The following CLVS1 variants were observed in gnomAD, a reference collection of about 807,000 sequenced individuals.
CLVS1 encodes the protein clavesin-1.
Under a neutral mutation model 33.1 loss-of-function variants are expected in CLVS1, and 10 were observed. The observed-to-expected ratio is 0.30, with a 90% confidence interval of 0.19 to 0.51. The LOEUF is 0.51. Among genes scored for constraint, CLVS1 ranks in the 20% least tolerant of loss-of-function variants. CLVS1 has a pLI of 0.97. For synonymous variants in CLVS1, 163 were observed against 166.1 expected (o/e 0.98, Z 0.14); for missense variants, 343 against 433.4 (o/e 0.79, Z 1.85).
Position 61,458,343 on chromosome 8 carries a change from C to G in CLVS1, c.778C>G (p.Gln260Glu), listed in dbSNP as rs977574348. 7 of 1,613,890 alleles carry G rather than the reference C, an allele frequency of 4.3e-6. No homozygotes were observed. The highest frequency in any genetic ancestry group is 5.1e-6 in the Non-Finnish European group (6 of 1,179,924). Residue 260 changes from glutamine to glutamate, a missense_variant, in exon 5 of 6, where the codon CAG becomes GAG. By Grantham distance (29) the Gln-to-Glu change is conservative. Transcript: ENST00000325897. ...LHGNNLNSLH[Q>E]LIHPEFLPSE... ...TGGAAACAATTTAAACAGCCTTCAC[C>G]AGCTAATACACCCTGAATTTTTGCC...
the CLVS1 span, among the ~76,000 whole-genome samples, chr8:60,984,435 C>T: frequency 6.6e-6 from 1 of 151,870 alleles, no homozygotes; most frequent in African/African-American, 2.4e-5. Context: ...ATTCTCCAGC[C>T]TCAGCCTCCT....
intron 2 of CLVS1, among the ~76,000 whole-genome samples, chr8:61,146,382 T>C (rs1806418267): frequency 6.6e-6 from 1 of 152,268 alleles, no homozygotes; most frequent in East Asian, 1.9e-4. Flanking sequence ...GGGGTTCCAA[T>C]TGATACTGGA....
intron 2 of CLVS1, among the ~76,000 whole-genome samples, chr8:61,361,882 G>A (rs779315719): frequency 1.3e-5 from 2 of 152,188 alleles, no homozygotes; most frequent in African/African-American, 2.4e-5. Flanking sequence ...AAAGGCTACT[G>A]TAATAGGGTA....
chr8:61,276,155 A>C (rs1306361178), intron 2 of CLVS1, among the ~76,000 whole-genome samples: 7 of 152,224 alleles, frequency 4.6e-5, no homozygotes, highest in African/African-American at 9.6e-5. Flanking sequence ...ATCAGCAGGG[A>C]AGGTGCCCAC....
intron 2 of CLVS1, chr8:61,202,390 C>T: frequency 1.3e-6 from 1 of 758,256 alleles, no homozygotes; most frequent in Non-Finnish European, 2.4e-6. Flanking sequence ...CTCCCTGAGG[C>T]CCCAGAACTA....
intron 2 of CLVS1, among the ~76,000 whole-genome samples, chr8:61,213,992 G>A (rs956485589): frequency 6.6e-5 from 10 of 152,122 alleles, no homozygotes; most frequent in Non-Finnish European, 1.2e-4. Context: ...CACTCAAGGT[G>A]TGCCCGTCTC....
At chr8:61,276,598 T>C (rs1809565681) in intron 2 of CLVS1, among the ~76,000 whole-genome samples, 1 of 152,242 alleles carries the variant, frequency 6.6e-6, no homozygotes, top group African/African-American at 2.4e-5. Flanking sequence ...TTTGCTCACA[T>C]ATTCAGCTCC....
At chr8:61,108,502 C>A (rs1805576758) in intron 1 of CLVS1, among the ~76,000 whole-genome samples, 1 of 152,004 alleles carries the variant, frequency 6.6e-6, no homozygotes, top group African/African-American at 2.4e-5. Context: ...TGTATATACA[C>A]CCTGAGATAA....
chr8:60,979,835 G>A, the CLVS1 span, among the ~76,000 whole-genome samples: 33 of 152,172 alleles, frequency 2.2e-4, no homozygotes, highest in Non-Finnish European at 2.4e-4. Context: ...CTTTTCATGA[G>A]GTCCAGAAGA....
At chr8:61,248,062 TTTTGTCAGC>T (rs1585720124) in intron 2 of CLVS1, among the ~76,000 whole-genome samples, 1 of 152,216 alleles carries the variant, frequency 6.6e-6, no homozygotes, top group East Asian at 1.9e-4. Flanking sequence ...CATTGCTTGT[TTTTGTCAGC>T]TTTGTCAAAG....
chr8:61,201,657 T>A (rs559009090), intron 2 of CLVS1, among the ~76,000 whole-genome samples: 4 of 152,278 alleles, frequency 2.6e-5, no homozygotes, highest in African/African-American at 9.6e-5. Context: ...TTTTAAAAGT[T>A]CTGTGTTTTA....
intron 3 of CLVS1, among the ~76,000 whole-genome samples, chr8:61,436,993 G>A (rs1816353564): frequency 6.6e-6 from 1 of 152,138 alleles, no homozygotes; most frequent in East Asian, 1.9e-4. Flanking sequence ...AAATTGTAGG[G>A]GTAGTAAATG....
At chr8:61,483,393 A>G (rs548817109) in intron 5 of CLVS1, among the ~76,000 whole-genome samples, 2 of 152,368 alleles carry the variant, frequency 1.3e-5, no homozygotes, top group Admixed American at 6.5e-5. Context: ...CTAAACCAGG[A>G]AGAAGTTGAA....
chr8:61,056,155 G>A (rs1451686953), upstream of CLVS1, among the ~76,000 whole-genome samples: 1 of 152,222 alleles, frequency 6.6e-6, no homozygotes, highest in Non-Finnish European at 1.5e-5. Flanking sequence ...TGTGCCCAGG[G>A]TCTGGGTAAA....
chr8:61,245,677 G>A (rs1357904728), intron 2 of CLVS1, among the ~76,000 whole-genome samples: 1 of 150,692 alleles, frequency 6.6e-6, no homozygotes, highest in Admixed American at 6.6e-5. Context: ...ATATATGAAT[G>A]GATATATATA....
rs377390894 is a variant in CLVS1, at chr8:61,075,002, G to T, written c.-243+17772G>T. 7.2e-5 allele frequency among the ~76,000 whole-genome samples: 11 copies of T among 152,030 alleles called. No homozygotes were observed. In the South Asian group the frequency reaches 1.5e-3, roughly 20 times the overall value. On this transcript the variant is annotated intron_variant, in intron 1 of 2. Coordinates refer to the CLVS1 transcript ENST00000522621. ...CTCCCCCCCCTTTTAAATGCTTTTT[G>T]ATTTCTTTTTCCTGTTGTTCAGGCG...
chr8:61,337,207 C>G (rs1266364701), intron 2 of CLVS1, among the ~76,000 whole-genome samples: 2 of 152,158 alleles, frequency 1.3e-5, no homozygotes, highest in Non-Finnish European at 2.9e-5. Context: ...CAGGTTCGGC[C>G]CTACCTATGT....
chr8:61,079,908 A>G lies in CLVS1; in HGVS notation c.-243+22678A>G, dbSNP rs910475444. 3.3e-5 allele frequency among the ~76,000 whole-genome samples: 5 copies of G among 152,348 alleles called. No homozygotes were observed. In the East Asian group the frequency reaches 7.7e-4, roughly 23 times the overall value. On this transcript the variant is annotated intron_variant, in intron 1 of 2. Transcript: ENST00000522621. ...TGTAATGTCTATTTCATCACAATAAAAAGAAGTCAGTAGAAAAAGTTTACC... is the reference window on the plus strand; with the variant it reads ...TGTAATGTCTATTTCATCACAATAAGAAGAAGTCAGTAGAAAAAGTTTACC...
At chr8:61,027,008 T>G in the CLVS1 span, among the ~76,000 whole-genome samples, 21 of 152,198 alleles carry the variant, frequency 1.4e-4, no homozygotes, top group Admixed American at 1.3e-3. Context: ...CAATGCAGTG[T>G]CCCTTTAAGA....
Sources: gnomAD v4.1 joint callset for allele counts (sites outside exome capture counted in the v4.1 genomes callset) on GRCh38, gnomAD v4.1.1 for gene constraint, MANE v1.5 for transcripts, NCBI Gene and HGNC (gene_info 2026-07-23, HGNC 2026-07-21) for gene names.